Variants in GNAO1 observed in about 807,000 individuals in gnomAD.
The protein encoded by GNAO1 is G protein subunit alpha o1.
For synonymous variants in GNAO1, 164 were observed against 180.7 expected (o/e 0.91, Z 0.74); for missense variants, 166 against 478.7 (o/e 0.35, Z 6.10).
At chr16:56,342,956 T>C (rs1170718486) in intron 6 of GNAO1, among the ~76,000 whole-genome samples, 1 of 151,496 alleles carries the variant, frequency 6.6e-6, no homozygotes, top group African/African-American at 2.4e-5. Context: ...CTACTAAAAA[T>C]GCAAAAATTA....
At chr16:56,238,990 A>G (rs150190015) in intron 2 of GNAO1, among the ~76,000 whole-genome samples, 2 of 152,362 alleles carry the variant, frequency 1.3e-5, no homozygotes, top group East Asian at 3.9e-4. Context: ...ATCTACATAT[A>G]TGATTGCATA....
At chr16:56,317,267 C>G (rs1433511748) in intron 3 of GNAO1, among the ~76,000 whole-genome samples, 1 of 152,230 alleles carries the variant, frequency 6.6e-6, no homozygotes, top group Admixed American at 6.5e-5. Flanking sequence ...TTGCTTAACA[C>G]AGTCACAGAC....
chr16:56,350,090 T>C (rs2037907002), intron 6 of GNAO1, among the ~76,000 whole-genome samples: 1 of 152,120 alleles, frequency 6.6e-6, no homozygotes, highest in Non-Finnish European at 1.5e-5. Flanking sequence ...TTCATCTTCA[T>C]TGCCCTCCTT....
intron 6 of GNAO1, chr16:56,344,941 TC>T: frequency 1.0e-6 from 1 of 985,356 alleles, no homozygotes; most frequent in Non-Finnish European, 1.2e-6. Context: ...GGTGAAGAAA[TC>T]AGCGAGTTTG....
chr16:56,253,621 C>T (rs1358320839), intron 2 of GNAO1, among the ~76,000 whole-genome samples: 3 of 152,236 alleles, frequency 2.0e-5, no homozygotes, highest in African/African-American at 7.2e-5. Flanking sequence ...GGCCAGCTCA[C>T]TGGGCCACTC....
intron 2 of GNAO1, among the ~76,000 whole-genome samples, chr16:56,244,157 C>A (rs1437870165): frequency 2.0e-5 from 3 of 152,162 alleles, no homozygotes; most frequent in African/African-American, 7.2e-5. Flanking sequence ...GAGCTGTAAT[C>A]TACTTGAGTG....
At chr16:56,352,064 C>A in intron 7 of GNAO1, 1 of 154,414 alleles carries the variant, frequency 6.5e-6, no homozygotes, top group Non-Finnish European at 1.4e-5. Context: ...ACCACTCCAC[C>A]CATCCCACAT....
chr16:56,263,775 G>A (rs1012328290), intron 2 of GNAO1, among the ~76,000 whole-genome samples: 7 of 152,154 alleles, frequency 4.6e-5, no homozygotes, highest in African/African-American at 1.7e-4. Flanking sequence ...CCTGAGAAAC[G>A]GGGCAACCAC....
chr16:56,289,001 C>G (rs1363113874), intron 3 of GNAO1, among the ~76,000 whole-genome samples: 2 of 150,640 alleles, frequency 1.3e-5, no homozygotes, highest in Non-Finnish European at 2.9e-5. Flanking sequence ...AGGTGATTGC[C>G]AAGCACAAGG....
chr16:56,310,133 C>A (rs1479860600), intron 3 of GNAO1, among the ~76,000 whole-genome samples: 1 of 151,270 alleles, frequency 6.6e-6, no homozygotes, highest in Non-Finnish European at 1.5e-5. Flanking sequence ...ATAGTGAGAC[C>A]CCATTTCTAA....
intron 2 of GNAO1, among the ~76,000 whole-genome samples, chr16:56,267,279 A>G (rs1212553812): frequency 6.6e-6 from 1 of 152,020 alleles, no homozygotes. Context: ...TGTTGGTGAC[A>G]TTTCCCCCAT....
chr16:56,202,948 C>T (rs1424282113), intron 2 of GNAO1, among the ~76,000 whole-genome samples: 6 of 152,174 alleles, frequency 3.9e-5, no homozygotes, highest in Non-Finnish European at 7.3e-5. Context: ...AACAATCGGA[C>T]GCAGTAATTG....
intron 2 of GNAO1, among the ~76,000 whole-genome samples, chr16:56,221,651 C>CAA (rs11306838): frequency 3.8e-3 from 313 of 82,848 alleles, no homozygotes; most frequent in Non-Finnish European, 5.3e-3. Flanking sequence ...GACTGCATCT[C>CAA]AAAAAAAAAA....
chr16:56,345,506 T>A, intron 6 of GNAO1: 1 of 985,274 alleles, frequency 1.0e-6, no homozygotes, highest in Non-Finnish European at 1.2e-6. Context: ...GAGCTCTGAG[T>A]GGTGCCCAGG....
At chr16:56,219,791 A>G (rs1412004826) in intron 2 of GNAO1, among the ~76,000 whole-genome samples, 18 of 152,136 alleles carry the variant, frequency 1.2e-4, no homozygotes, top group African/African-American at 1.2e-4. Flanking sequence ...GGCCTGCAAA[A>G]TAGCCCTTGA....
chr16:56,206,291 G>A (rs2036327477), intron 2 of GNAO1, among the ~76,000 whole-genome samples: 1 of 146,772 alleles, frequency 6.8e-6, no homozygotes, highest in Admixed American at 6.9e-5. Flanking sequence ...TTGCACTCCA[G>A]CCTGGGCGAC....
intron 3 of GNAO1, among the ~76,000 whole-genome samples, chr16:56,319,993 G>C (rs1400410244): frequency 2.0e-5 from 3 of 152,168 alleles, no homozygotes; most frequent in Non-Finnish European, 4.4e-5. Context: ...TCAACATTAA[G>C]AGTGAGATAT....
At chr16:56,348,761 C>T (rs770012279) in intron 6 of GNAO1, among the ~76,000 whole-genome samples, 1 of 152,164 alleles carries the variant, frequency 6.6e-6, no homozygotes, top group Non-Finnish European at 1.5e-5. Context: ...TCAGTGCCGG[C>T]GCCTCCCCTG....
At chr16:56,271,947 G>A (rs1380710709) in intron 2 of GNAO1, among the ~76,000 whole-genome samples, 1 of 151,992 alleles carries the variant, frequency 6.6e-6, no homozygotes, top group Non-Finnish European at 1.5e-5. Context: ...AATGGTGTGG[G>A]GAAATAGAAA....
Sources: gnomAD v4.1 joint callset for allele counts (sites outside exome capture counted in the v4.1 genomes callset) on GRCh38, gnomAD v4.1.1 for gene constraint, MANE v1.5 for transcripts, NCBI Gene and HGNC (gene_info 2026-07-23, HGNC 2026-07-21) for gene names.